The following RPS6KA5 variants were observed in gnomAD, a reference collection of about 807,000 sequenced individuals.
The protein encoded by RPS6KA5 is ribosomal protein S6 kinase A5.
In RPS6KA5, 27 loss-of-function variants were observed where a neutral mutation model predicts 85.5. The ratio of observed to expected loss-of-function variants is 0.32; its 90% CI spans 0.23 to 0.44. The LOEUF is 0.44. RPS6KA5 is among the 20% of genes least tolerant of loss of function. The pLI is 1.00. For missense variants in RPS6KA5, 811 were observed against 980.9 expected (o/e 0.83, Z 2.31); for synonymous variants, 334 against 348.2 (o/e 0.96, Z 0.46).
chr14:90,885,878 G>A (rs928446510), intron 14 of RPS6KA5, among the ~76,000 whole-genome samples: 40 of 151,424 alleles, frequency 2.6e-4, no homozygotes, highest in Non-Finnish European at 4.6e-4. Context: ...TTCCAACTTT[G>A]GAAGTACTGG....
chr14:90,966,174 A>C (rs964990217), intron 3 of RPS6KA5, among the ~76,000 whole-genome samples: 1 of 152,226 alleles, frequency 6.6e-6, no homozygotes, highest in Non-Finnish European at 1.5e-5. Flanking sequence ...CCTGGGAGTC[A>C]ATTAGCTACA....
chr14:91,054,519 C>G (rs1482174461), intron 1 of RPS6KA5, among the ~76,000 whole-genome samples: 3 of 151,828 alleles, frequency 2.0e-5, no homozygotes, highest in African/African-American at 7.3e-5. Context: ...CGCCTGTAAT[C>G]CTAGCTACTC....
At chr14:91,006,284 C>T (rs998497361) in intron 1 of RPS6KA5, among the ~76,000 whole-genome samples, 2 of 152,158 alleles carry the variant, frequency 1.3e-5, no homozygotes, top group Admixed American at 1.3e-4. Context: ...TTGCACTTCT[C>T]CCTTCAACAT....
At chr14:90,904,296 G>A (rs909855953) in intron 8 of RPS6KA5, among the ~76,000 whole-genome samples, 1 of 152,080 alleles carries the variant, frequency 6.6e-6, no homozygotes, top group Admixed American at 6.6e-5. Flanking sequence ...ACTGCGCCTG[G>A]CCCATAAAAT....
intron 1 of RPS6KA5, among the ~76,000 whole-genome samples, chr14:91,016,641 A>G (rs926673076): frequency 7.9e-5 from 12 of 152,096 alleles, no homozygotes; most frequent in Non-Finnish European, 1.6e-4. Context: ...TCCCTCGATA[A>G]AGTGAGGGAT....
intron 14 of RPS6KA5, 105 bp downstream of exon 14, chr14:90,890,381 CT>C (rs1027461925): frequency 1.0e-6 from 1 of 996,182 alleles, no homozygotes; most frequent in African/African-American, 1.6e-5. Flanking sequence ...AAAGAAACCA[CT>C]TTGCCAATTT....
chr14:91,039,653 C>T (rs911735101), intron 1 of RPS6KA5, among the ~76,000 whole-genome samples: 5 of 152,110 alleles, frequency 3.3e-5, no homozygotes, highest in Non-Finnish European at 7.4e-5. Flanking sequence ...AAGCCTGGGA[C>T]GGAAAGTAAA....
chr14:91,000,849 A>T (rs2140579288), intron 2 of RPS6KA5, among the ~76,000 whole-genome samples: 1 of 152,248 alleles, frequency 6.6e-6, no homozygotes, highest in South Asian at 2.1e-4. Context: ...TAAAGGCTGA[A>T]CTAATTTACA....
chr14:90,943,221 T>G, intron 4 of RPS6KA5, 36 bp from the exon 5 acceptor site: 3 of 1,237,556 alleles, frequency 2.4e-6, no homozygotes, highest in Non-Finnish European at 3.5e-6. Flanking sequence ...TTAAAATAAT[T>G]TACAAAAAAA....
At chr14:91,047,929 C>T (rs1467291779) in intron 1 of RPS6KA5, among the ~76,000 whole-genome samples, 2 of 152,226 alleles carry the variant, frequency 1.3e-5, no homozygotes, top group African/African-American at 4.8e-5. Context: ...ACATCACCTT[C>T]TCTGACTCTG....
intron 1 of RPS6KA5, among the ~76,000 whole-genome samples, chr14:91,044,379 A>G (rs1376984633): frequency 2.1e-4 from 3 of 14,396 alleles, no homozygotes; most frequent in African/African-American, 7.4e-4. Context: ...GAAAGAAGGA[A>G]AGAAAGAAAG....
In RPS6KA5 at chr14:90,997,874, G is replaced by A. The variant is rs569771416; in HGVS notation, c.175+3214C>T. Among the ~76,000 whole-genome samples the A allele has an allele frequency of 1.3e-4, 19 of 151,984 alleles. No individual in the cohort carries two copies. The East Asian group carries it at 1.4e-3, about 11-fold the overall frequency. On this transcript the variant is annotated intron_variant, in intron 2 of 16. Coordinates refer to ENST00000614987, the MANE Select transcript of RPS6KA5 (RefSeq NM_004755.4). ...AAAAATACAAAAAAATTAGCCGAGC[G>A]TGGTGGTGTGCGCCTGTAATCTCAG...
intron 3 of RPS6KA5, among the ~76,000 whole-genome samples, chr14:90,964,393 G>A (rs1449660951): frequency 6.6e-6 from 1 of 152,126 alleles, no homozygotes; most frequent in Non-Finnish European, 1.5e-5. Flanking sequence ...AGTAGTGTCT[G>A]ATAACAAATA....
chr14:90,853,321 A>G lies in RPS6KA5; in HGVS notation c.*18753T>C, dbSNP rs1025562815. ...AAAAGCCAAAACCTAGCAGAAACAA[A>G]TGACTAATCAAACTAAAATTTCAAA... On this transcript the variant is annotated 3_prime_UTR_variant, in exon 17 of 17. Transcript: ENST00000614987. The G allele has an allele frequency of 6.6e-6, 1 of 152,182 alleles. No individual in the cohort carries two copies. Among genetic ancestry groups the G allele is most frequent in the African/African-American group, 2.4e-5 (1 of 41,436 alleles). 9.4% of individuals were successfully genotyped at this position (152,182 alleles called of 1,614,324 possible).
chr14:90,953,563 T>C (rs1028557513), intron 3 of RPS6KA5, among the ~76,000 whole-genome samples: 4 of 152,194 alleles, frequency 2.6e-5, no homozygotes, highest in African/African-American at 4.8e-5. Flanking sequence ...GAGCCATATT[T>C]TTCTTCTTGC....
intron 1 of RPS6KA5, among the ~76,000 whole-genome samples, chr14:91,044,055 T>C (rs933581964): frequency 2.0e-5 from 3 of 151,760 alleles, no homozygotes; most frequent in Non-Finnish European, 4.4e-5. Context: ...GGTGAAACCC[T>C]ATCTCTACTA....
At chr14:91,023,086 A>AAAT (rs2041851260) in intron 1 of RPS6KA5, among the ~76,000 whole-genome samples, 1 of 150,582 alleles carries the variant, frequency 6.6e-6, no homozygotes, top group Non-Finnish European at 1.5e-5. Context: ...TCTATCTAAA[A>AAAT]AAAAAAAAAA....
chr14:91,001,329 A>G (rs185455369), intron 1 of RPS6KA5, among the ~76,000 whole-genome samples, 170 bp from the exon 2 acceptor site: 1 of 152,276 alleles, frequency 6.6e-6, no homozygotes. Context: ...AAATTTCTGT[A>G]TGTTATGCAT....
chr14:91,001,360 A>T (rs2040788486), intron 1 of RPS6KA5, among the ~76,000 whole-genome samples: 1 of 152,134 alleles, frequency 6.6e-6, no homozygotes, highest in Non-Finnish European at 1.5e-5. Flanking sequence ...CTTTTTTTGG[A>T]ATTTAGGAAC....
Sources: gnomAD v4.1 joint callset for allele counts (sites outside exome capture counted in the v4.1 genomes callset) on GRCh38, gnomAD v4.1.1 for gene constraint, MANE v1.5 for transcripts, NCBI Gene and HGNC (gene_info 2026-07-23, HGNC 2026-07-21) for gene names.